Variants in CRY1 observed in about 807,000 individuals in gnomAD.
CRY1 encodes cryptochrome-1.
Under a neutral mutation model 76.0 loss-of-function variants are expected in CRY1, and 45 were observed. That is an observed-to-expected ratio of 0.59 (90% CI 0.47 to 0.76). The LOEUF is 0.76. Among genes scored for constraint, CRY1 ranks in the 30% least tolerant of loss-of-function variants. The probability of loss-of-function intolerance (pLI) is 0.00; values close to 1 mark genes in which losing one functional copy is unlikely to be tolerated. For missense variants in CRY1, 587 were observed against 716.4 expected (o/e 0.82, Z 2.06); for synonymous variants, 248 against 244.0 (o/e 1.02, Z -0.15).
intron 1 of CRY1, among the ~76,000 whole-genome samples, chr12:107,064,314 A>G (rs1051649813): frequency 1.2e-4 from 19 of 152,354 alleles, no homozygotes; most frequent in African/African-American, 4.1e-4. Flanking sequence ...TTAGAGTAAC[A>G]CACTTCACCA....
chr12:107,057,300 T>C (rs1323255383), intron 1 of CRY1, among the ~76,000 whole-genome samples: 2 of 152,292 alleles, frequency 1.3e-5, no homozygotes, highest in African/African-American at 4.8e-5. Context: ...GAAAGATTTA[T>C]GGAGTGCCTG....
intron 1 of CRY1, among the ~76,000 whole-genome samples, chr12:107,089,783 T>C (rs1347718180): frequency 6.6e-6 from 1 of 152,204 alleles, no homozygotes; most frequent in Non-Finnish European, 1.5e-5. Context: ...ATTTGGGCAT[T>C]ATCCCATAGT....
intron 1 of CRY1, among the ~76,000 whole-genome samples, chr12:107,085,430 T>C (rs1953386411): frequency 6.6e-6 from 1 of 152,152 alleles, no homozygotes; most frequent in Non-Finnish European, 1.5e-5. Context: ...CCATCAATGA[T>C]AGACTGGATA....
intron 1 of CRY1, among the ~76,000 whole-genome samples, chr12:107,028,463 G>T (rs983097855): frequency 4.6e-5 from 7 of 152,034 alleles, no homozygotes; most frequent in Non-Finnish European, 8.8e-5. Flanking sequence ...TAAACCAGTA[G>T]ACCTATATCA....
At chr12:107,003,297 G>A (rs772210070) in intron 3 of CRY1, among the ~76,000 whole-genome samples, 2 of 152,054 alleles carry the variant, frequency 1.3e-5, no homozygotes, top group Non-Finnish European at 2.9e-5. Flanking sequence ...TAAAGATTAA[G>A]TTTAGACACT....
chr12:107,017,505 T>G lies in CRY1; in HGVS notation c.267+4579A>C, dbSNP rs538213479. Among the ~76,000 whole-genome samples the G allele has an allele frequency of 6.3e-4, 96 of 152,330 alleles. 1 individual carries two copies. The highest frequency in any genetic ancestry group is 1.0e-4 in the Non-Finnish European group (7 of 68,032). ...GCTGGAGTGCCTAAGATAGTCAAAC[T>G]CACACATCTCAGACTTTGGTGTTGG... On this transcript the variant is annotated intron_variant, in intron 2 of 12. Transcript: ENST00000008527.
chr12:107,000,119 T>A (rs113188032), intron 5 of CRY1, 37 bp from the exon 6 acceptor site: 2 of 1,536,280 alleles, frequency 1.3e-6, no homozygotes, highest in Non-Finnish European at 1.7e-6. Context: ...TAACTAATTG[T>A]CTTTTTCATT....
chr12:107,022,112 G>C lies in CRY1; in HGVS notation c.239C>G (p.Pro80Arg). ...NSRLFVIRGQ[P>R]ADVFPRLFKE... ...GAAAAGCCTGGGAAACACATCTGCT[G>C]GTTGTCCACGAATCACAAACAGACG... Residue 80 changes from proline (P) to arginine (R), a missense_variant, in exon 2 of 13, where the codon CCA becomes CGA. Transcript: ENST00000008527. 6.2e-7 allele frequency: 1 copy of C among 1,604,628 alleles called. No homozygotes were observed.
At chr12:107,090,489 A>G (rs1417891684) in intron 1 of CRY1, among the ~76,000 whole-genome samples, 1 of 152,140 alleles carries the variant, frequency 6.6e-6, no homozygotes, top group Non-Finnish European at 1.5e-5. Flanking sequence ...ACAGCTCCAC[A>G]ATTTATAAAC....
rs182739843 is a variant in CRY1 at position 107,060,282 on chromosome 12, G to A, written c.158+32522C>T. 6.2e-4 allele frequency among the ~76,000 whole-genome samples: 94 copies of A among 152,322 alleles called. 1 individual carries two copies. The highest frequency in any genetic ancestry group is 2.1e-3 in the African/African-American group (86 of 41,582). ...AAGTGGGACCTTTAAGATGTGATGAGGCCAGGAGGGCTCTATTTCATTAAT... is the reference window on the plus strand; with the variant it reads ...AAGTGGGACCTTTAAGATGTGATGAAGCCAGGAGGGCTCTATTTCATTAAT... On this transcript the variant is annotated intron_variant, in intron 1 of 12. Coordinates refer to ENST00000008527, the MANE Select transcript of CRY1 (RefSeq NM_004075.5).
At chr12:107,053,214 T>C (rs137922703) in intron 1 of CRY1, among the ~76,000 whole-genome samples, 6,129 of 152,182 alleles carry the variant, frequency 0.04, 181 homozygotes, top group South Asian at 0.1. Context: ...ATTTATAGAA[T>C]AGCTGATAAA....
chr12:107,032,877 A>G (rs1952694575), intron 1 of CRY1, among the ~76,000 whole-genome samples: 1 of 152,226 alleles, frequency 6.6e-6, no homozygotes, highest in Admixed American at 6.5e-5. Context: ...AAAACAGCAG[A>G]ATAAATCCTT....
chr12:107,012,999 A>G (rs1952461962), intron 2 of CRY1, among the ~76,000 whole-genome samples: 1 of 152,206 alleles, frequency 6.6e-6, no homozygotes, highest in South Asian at 2.1e-4. Context: ...GGTTTCCTGA[A>G]ATGGAATCTA....
At chr12:107,070,178 T>C (rs938444710) in intron 1 of CRY1, among the ~76,000 whole-genome samples, 2 of 152,216 alleles carry the variant, frequency 1.3e-5, no homozygotes, top group Admixed American at 6.5e-5. Context: ...TGTGCAAGGA[T>C]GTTCAGTGCA....
chr12:107,033,366 C>A (rs2136858849), intron 1 of CRY1, among the ~76,000 whole-genome samples: 1 of 152,156 alleles, frequency 6.6e-6, no homozygotes, highest in South Asian at 2.1e-4. Context: ...GGATTCCAAT[C>A]TCATAAAAAG....
Position 106,999,742 on chromosome 12 carries a change from C to T in CRY1, c.946G>A (p.Val316Ile). The T allele has an allele frequency of 6.2e-7, 1 of 1,614,208 alleles. No homozygotes were observed. The highest frequency in any genetic ancestry group is 8.5e-7 in the Non-Finnish European group (1 of 1,180,044). Residue 316 changes from valine to isoleucine, a missense_variant, in exon 7 of 13, where the codon GTT becomes ATT. Val to Ile is a conservative substitution (Grantham distance 29). Coordinates refer to ENST00000008527, the MANE Select transcript of CRY1 (RefSeq NM_004075.5). Reference protein sequence around the residue: ...FDKMEGNPICVQIPWDKNPEA... With the variant: ...FDKMEGNPICIQIPWDKNPEA... ...GGATTTTTATCCCAAGGAATCTGAA[C>T]ACAGATAGGGTTTCCTTCCATTTTA...
intron 1 of CRY1, among the ~76,000 whole-genome samples, chr12:107,029,822 G>T (rs1255869306): frequency 6.6e-6 from 1 of 152,086 alleles, no homozygotes; most frequent in Non-Finnish European, 1.5e-5. Flanking sequence ...AAATACTACA[G>T]AACTGGCTAT....
intron 1 of CRY1, among the ~76,000 whole-genome samples, chr12:107,086,518 G>T (rs1953403243): frequency 6.6e-6 from 1 of 152,182 alleles, no homozygotes; most frequent in Admixed American, 6.5e-5. Flanking sequence ...AAATGGTTTG[G>T]GAGGCCAGGC....
rs1952248749 is a variant in CRY1 at position 106,997,670 on chromosome 12, C to G, written c.1310G>C (p.Arg437Thr). The G allele has an allele frequency of 6.2e-7, 1 of 1,613,856 alleles. No individual in the cohort carries two copies. The highest frequency in any genetic ancestry group is 8.5e-7 in the Non-Finnish European group (1 of 1,179,960). The part of the protein sequence containing the change: ...DYIRRYLPVL[R>T]GFPAKYIYDP... Reference sequence around the variant, plus strand: ...ATAGATATATTTTGCAGGGAAGCCTCTTAGGACAGGCAAATAACGCCTTTG... The same window carrying G: ...ATAGATATATTTTGCAGGGAAGCCTGTTAGGACAGGCAAATAACGCCTTTG... Residue 437 changes from arginine to threonine, a missense_variant, in exon 9 of 13, where the codon AGA becomes ACA. Arg to Thr is a moderately conservative substitution (Grantham distance 71). Transcript: ENST00000008527.
Sources: allele counts gnomAD v4.1 joint callset (sites outside exome capture counted in the v4.1 genomes callset), GRCh38; gene constraint gnomAD v4.1.1; transcripts MANE v1.5; gene names NCBI Gene and HGNC (gene_info 2026-07-23, HGNC 2026-07-21).